NCAM1: variants seen among roughly 807,000 people sequenced by gnomAD.
NCAM1 encodes neural cell adhesion molecule 1.
In NCAM1, 14 loss-of-function variants were observed where a neutral mutation model predicts 109.8. The observed-to-expected ratio is 0.13, with a 90% CI of 0.08 to 0.20. The LOEUF (loss-of-function observed/expected upper bound fraction) is 0.20, where lower values mean the gene tolerates loss of function less well. Ranked by LOEUF, NCAM1 falls within the 10% of genes least tolerant of loss-of-function variation. The probability of loss-of-function intolerance (pLI) is 1.00; values close to 1 mark genes in which losing one functional copy is unlikely to be tolerated. For synonymous variants in NCAM1, 418 were observed against 442.9 expected (o/e 0.94, Z 0.70); for missense variants, 774 against 1,109.9 (o/e 0.70, Z 4.30).
intron 8 of NCAM1, among the ~76,000 whole-genome samples, chr11:113,220,797 G>A (rs891435926): frequency 6.6e-6 from 1 of 151,722 alleles, no homozygotes; most frequent in South Asian, 2.1e-4. Context: ...TTTTAGTAGA[G>A]ATGGGGTTTC....
chr11:113,045,518 G>T (rs558501151), intron 1 of NCAM1, among the ~76,000 whole-genome samples: 14 of 152,250 alleles, frequency 9.2e-5, no homozygotes, highest in Admixed American at 3.9e-4. Context: ...AACCACATTC[G>T]CGAGCTTGCC....
intron 1 of NCAM1, among the ~76,000 whole-genome samples, chr11:113,124,426 AG>A (rs1384946452): frequency 2.0e-5 from 3 of 151,926 alleles, no homozygotes; most frequent in African/African-American, 7.3e-5. Flanking sequence ...GCACAGCTAA[AG>A]AAACAGATCT....
At position 113,232,312 on chromosome 11, in the gene NCAM1, C is replaced by T. The variant is rs781787182; in HGVS notation, c.1383C>T (p.Ser461=). Residue 461 remains serine, a synonymous_variant, in exon 11 of 20, where the codon AGC becomes AGT. Transcript: ENST00000316851. ...DGQLLPSSNY[S]NIKIYNTPSA... ...AGCTGCTGCCAAGCTCCAATTACAG[C>T]AATATCAAGATCTACAACACCCCCT... The T allele has an allele frequency of 3.1e-6, 5 of 1,613,482 alleles. No individual in the cohort carries two copies. The South Asian group carries it at 3.3e-5, about 11-fold the overall frequency.
At chr11:112,971,222 C>A (rs1555066737) in intron 1 of NCAM1, among the ~76,000 whole-genome samples, 2 of 151,818 alleles carry the variant, frequency 1.3e-5, no homozygotes, top group Non-Finnish European at 2.9e-5. Context: ...TTGAGTACTT[C>A]AATTTCTCTC....
At chr11:112,991,169 T>C (rs996056733) in intron 1 of NCAM1, among the ~76,000 whole-genome samples, 1 of 152,162 alleles carries the variant, frequency 6.6e-6, no homozygotes, top group Non-Finnish European at 1.5e-5. Flanking sequence ...AGAATTAATA[T>C]GATGGGTAAT....
rs545990022 is a variant in NCAM1 at position 112,982,621 on chromosome 11, T to G, written c.52+20957T>G. Among the ~76,000 whole-genome samples, 3 of 151,936 alleles carry G rather than the reference T, an allele frequency of 2.0e-5. No homozygotes were observed. The East Asian group carries it at 5.8e-4, about 29-fold the overall frequency. ...TTGTGAGATGTAAAGGAAGGCATTA[T>G]GCAAGAAATACTACAGAGGGAAGAT... On this transcript the variant is annotated intron_variant, in intron 1 of 19. Coordinates refer to ENST00000316851, the MANE Select transcript of NCAM1 (RefSeq NM_181351.5).
chr11:112,996,402 A>G (rs1951598614), intron 1 of NCAM1, among the ~76,000 whole-genome samples: 1 of 152,218 alleles, frequency 6.6e-6, no homozygotes, highest in Admixed American at 6.5e-5. Flanking sequence ...ATCTTGCAAA[A>G]TAAACTTCAT....
At chr11:113,236,851 G>A (rs1555118397) in intron 14 of NCAM1, among the ~76,000 whole-genome samples, 1 of 152,202 alleles carries the variant, frequency 6.6e-6, no homozygotes, top group African/African-American at 2.4e-5. Flanking sequence ...GGGAATAGGA[G>A]GACTGGCCAG....
rs1555126579 is a variant in NCAM1 at position 113,276,181 on chromosome 11, T to A, written c.*794T>A. 1 of 152,672 alleles carries A rather than the reference T, an allele frequency of 6.5e-6. No homozygotes were observed. The highest frequency in any genetic ancestry group is 2.4e-5 in the African/African-American group (1 of 41,462). The allele number at this position is 152,672 out of a possible 1,614,324, so 9.5% of individuals were successfully genotyped here. On this transcript the variant is annotated 3_prime_UTR_variant, in exon 20 of 20. Transcript: ENST00000316851. Reference sequence around the variant, plus strand: ...TGTAAAATAGCTGCCTTTTATTTTTTAAGGTAACAAATACCACCTAGAGGT... The same window carrying A: ...TGTAAAATAGCTGCCTTTTATTTTTAAAGGTAACAAATACCACCTAGAGGT...
intron 1 of NCAM1, among the ~76,000 whole-genome samples, chr11:113,060,081 T>C (rs1454080096): frequency 2.0e-5 from 3 of 152,156 alleles, no homozygotes; most frequent in Non-Finnish European, 4.4e-5. Flanking sequence ...AATAAAAGAG[T>C]TGAATGTTTT....
chr11:113,146,804 C>G (rs1338379861), intron 1 of NCAM1, among the ~76,000 whole-genome samples: 1 of 151,690 alleles, frequency 6.6e-6, no homozygotes, highest in African/African-American at 2.4e-5. Flanking sequence ...CTTAGCAGGT[C>G]GGTTTGCCTA....
intron 17 of NCAM1, among the ~76,000 whole-genome samples, chr11:113,262,227 G>A (rs1946025722): frequency 6.6e-6 from 1 of 152,208 alleles, no homozygotes; most frequent in African/African-American, 2.4e-5. Context: ...CAGCACTGTG[G>A]TGTGGGACTT....
chr11:113,116,175 C>T (rs954781211), intron 1 of NCAM1, among the ~76,000 whole-genome samples: 2 of 152,196 alleles, frequency 1.3e-5, no homozygotes, highest in East Asian at 3.9e-4. Context: ...ACAGTAAGGG[C>T]TGTCTCATAC....
At chr11:113,128,794 C>T (rs992862897) in intron 1 of NCAM1, among the ~76,000 whole-genome samples, 5 of 151,954 alleles carry the variant, frequency 3.3e-5, no homozygotes, top group African/African-American at 1.2e-4. Flanking sequence ...GAGAAGCTGC[C>T]AAGTGGGCAT....
rs375312809 is a variant in NCAM1 at position 113,081,736 on chromosome 11, G to A, written c.52+120072G>A. On this transcript the variant is annotated intron_variant, in intron 1 of 19. Transcript: ENST00000316851. Reference sequence around the variant, plus strand: ...TGTAGTAGAGACAGCATTTCACCACGTTGGCCAGGCTGGTCTGGAACTCCT... The same window carrying A: ...TGTAGTAGAGACAGCATTTCACCACATTGGCCAGGCTGGTCTGGAACTCCT... 7.6e-4 allele frequency among the ~76,000 whole-genome samples: 115 copies of A among 152,154 alleles called. 1 individual carries two copies. Among genetic ancestry groups the A allele is most frequent in the African/African-American group, 2.6e-3 (109 of 41,528 alleles).
At chr11:113,055,555 T>C (rs999280298) in intron 1 of NCAM1, among the ~76,000 whole-genome samples, 1 of 152,206 alleles carries the variant, frequency 6.6e-6, no homozygotes, top group Admixed American at 6.5e-5. Flanking sequence ...AACATATTCC[T>C]GCTGTTCTCA....
intron 1 of NCAM1, among the ~76,000 whole-genome samples, chr11:112,988,576 T>C (rs1177792809): frequency 6.6e-6 from 1 of 152,110 alleles, no homozygotes; most frequent in Non-Finnish European, 1.5e-5. Flanking sequence ...ATTGGCACTT[T>C]TGTTTTGTTT....
chr11:113,070,067 A>C (rs1246690024), intron 1 of NCAM1, among the ~76,000 whole-genome samples: 1 of 152,094 alleles, frequency 6.6e-6, no homozygotes, highest in Non-Finnish European at 1.5e-5. Context: ...AGGGGAAGTC[A>C]TGGGGGGAGG....
chr11:113,254,344 CACA>C (rs1945781865), intron 15 of NCAM1, among the ~76,000 whole-genome samples: 1 of 152,154 alleles, frequency 6.6e-6, no homozygotes, highest in Non-Finnish European at 1.5e-5. Context: ...AAATAATAAG[CACA>C]ACTTTTCCTA....
Sources: gnomAD v4.1 joint callset for allele counts (sites outside exome capture counted in the v4.1 genomes callset) on GRCh38, gnomAD v4.1.1 for gene constraint, MANE v1.5 for transcripts, NCBI Gene and HGNC (gene_info 2026-07-23, HGNC 2026-07-21) for gene names.